Variants in AIDA observed in about 807,000 individuals in gnomAD.
The protein encoded by AIDA is axin interactor, dorsalization associated.
Under a neutral mutation model 42.7 loss-of-function variants are expected in AIDA, and 18 were observed. The ratio of observed to expected loss-of-function variants is 0.42; its 90% CI spans 0.29 to 0.63. The LOEUF is 0.63. Ranked by LOEUF, AIDA falls within the 20% of genes least tolerant of loss-of-function variation. The pLI is 0.19. For synonymous variants in AIDA, 104 were observed against 122.9 expected (o/e 0.85, Z 1.02); for missense variants, 250 against 354.1 (o/e 0.71, Z 2.36).
chr1:222,691,541 G>A (rs184739213), intron 4 of AIDA, among the ~76,000 whole-genome samples: 6 of 151,936 alleles, frequency 3.9e-5, no homozygotes, highest in Admixed American at 1.3e-4. Context: ...CTATTTAGCC[G>A]ACTAGAATCC....
At chr1:222,687,536 A>G (rs2124957060) in intron 5 of AIDA, 59 bp downstream of exon 5, 2 of 1,379,588 alleles carry the variant, frequency 1.4e-6, no homozygotes. Flanking sequence ...AAAACCCAGA[A>G]CTATCTGAAA....
chr1:222,672,315 A>G (rs1196371347), intron 8 of AIDA, among the ~76,000 whole-genome samples: 1 of 152,206 alleles, frequency 6.6e-6, no homozygotes, highest in Non-Finnish European at 1.5e-5. Flanking sequence ...TCCTAAGGCA[A>G]TGGAGTTAAA....
chr1:222,703,065 GT>G, intron 2 of AIDA, 82 bp downstream of exon 2: 2 of 1,122,456 alleles, frequency 1.8e-6, no homozygotes, highest in East Asian at 5.1e-5. Flanking sequence ...TTGTTTTGTT[GT>G]TTTTTGTTTT....
rs756473755 is a variant in AIDA, at chr1:222,693,841, G to A, written c.237C>T (p.Ser79=). ...CLELRSAALQ[S]TQSQEEFKLE... ...GTTTAAATTCTTCTTGAGACTGTGT[G>A]GACTAAATTTAAAATAAGCATATTA... Residue 79 remains serine, a splice_region_variant and synonymous_variant, in exon 4 of 10, where the codon TCC becomes TCT. Transcript: ENST00000340020. The A allele has an allele frequency of 1.9e-6, 3 of 1,606,134 alleles. No individual in the cohort carries two copies. Among genetic ancestry groups the A allele is most frequent in the African/African-American group, 2.7e-5 (2 of 74,804 alleles).
chr1:222,694,949 T>A (rs1655474012), intron 2 of AIDA, among the ~76,000 whole-genome samples: 1 of 152,132 alleles, frequency 6.6e-6, no homozygotes, highest in Admixed American at 6.6e-5. Context: ...AAGATCTGTA[T>A]TAGGAATCAA....
At chr1:222,700,963 A>AT (rs140000501) in intron 2 of AIDA, among the ~76,000 whole-genome samples, 13,356 of 68,092 alleles carry the variant, frequency 0.2, 2,077 homozygotes, top group East Asian at 0.41. Flanking sequence ...TCATTTCTTG[A>AT]TTTTTTTTGG....
intron 1 of AIDA, among the ~76,000 whole-genome samples, chr1:222,710,026 A>ACTCTTCCTCCTT (rs1655951094): frequency 6.6e-6 from 1 of 151,484 alleles, no homozygotes; most frequent in African/African-American, 2.4e-5. Flanking sequence ...ACGATCCTAG[A>ACTCTTCCTCCTT]CTCTTCCTCC....
intron 1 of AIDA, among the ~76,000 whole-genome samples, chr1:222,706,605 A>C (rs1487124685): frequency 1.3e-5 from 2 of 152,198 alleles, no homozygotes; most frequent in Non-Finnish European, 2.9e-5. Context: ...GTGGTGGCTC[A>C]TGCCTGTAAT....
chr1:222,712,184 C>G (rs748917906), intron 1 of AIDA, 24 bp downstream of exon 1: 1 of 1,580,334 alleles, frequency 6.3e-7, no homozygotes, highest in Non-Finnish European at 8.6e-7. Context: ...CCGGTCTGGC[C>G]TGCTCCCGCG....
chr1:222,704,916 T>C (rs1655800115), intron 1 of AIDA, among the ~76,000 whole-genome samples: 1 of 152,116 alleles, frequency 6.6e-6, no homozygotes. Context: ...GGAACAGGAA[T>C]ACAAAGGGTA....
intron 6 of AIDA, among the ~76,000 whole-genome samples, chr1:222,677,352 T>C (rs1367152821): frequency 2.0e-5 from 3 of 152,202 alleles, no homozygotes; most frequent in African/African-American, 7.2e-5. Context: ...TACATATTCA[T>C]AACATCTGCA....
chr1:222,704,670 T>C (rs149668361), intron 1 of AIDA, among the ~76,000 whole-genome samples: 1 of 152,182 alleles, frequency 6.6e-6, no homozygotes, highest in East Asian at 1.9e-4. Context: ...GAGTAACTGA[T>C]ACCAAGTATG....
intron 4 of AIDA, among the ~76,000 whole-genome samples, chr1:222,693,355 CAA>C (rs1287069851): frequency 6.6e-6 from 1 of 152,024 alleles, no homozygotes; most frequent in Admixed American, 6.6e-5. Flanking sequence ...TTATTTACTT[CAA>C]AAGAGTTTTA....
chr1:222,700,447 T>A (rs1412118161), intron 2 of AIDA, among the ~76,000 whole-genome samples: 1 of 152,140 alleles, frequency 6.6e-6, no homozygotes, highest in African/African-American at 2.4e-5. Flanking sequence ...TGCCTCCTGG[T>A]CCTTTTGGGG....
At chr1:222,690,959 T>C (rs1655353856) in intron 4 of AIDA, among the ~76,000 whole-genome samples, 2 of 152,294 alleles carry the variant, frequency 1.3e-5, no homozygotes, top group East Asian at 3.9e-4. Flanking sequence ...CCCTCATATA[T>C]GGATCTCAGA....
chr1:222,676,925 C>CAAA lies in AIDA; in HGVS notation c.461-710_461-708dup, dbSNP rs113969334. ...TATGAACACTGAAGCAAAAAAACCA[C>CAAA]AAAAAAAAACAAACAAAAAAAAACC... On this transcript the variant is annotated intron_variant, in intron 6 of 9. Transcript: ENST00000340020. Among the ~76,000 whole-genome samples, 17 of 131,370 alleles carry CAAA rather than the reference C, an allele frequency of 1.3e-4. No homozygotes were observed. In the South Asian group the frequency reaches 1.5e-3, roughly 11 times the overall value. 86.2% of individuals were successfully genotyped at this position (131,370 alleles called of 152,430 possible). A position where few individuals can be genotyped will look rare whatever the true frequency, so the allele number is the denominator to read the frequency against.
At chr1:222,696,044 GA>G (rs1383480014) in intron 2 of AIDA, among the ~76,000 whole-genome samples, 2 of 152,114 alleles carry the variant, frequency 1.3e-5, no homozygotes, top group Non-Finnish European at 2.9e-5. Context: ...CGATGCCGAA[GA>G]ATAAGTGACA....
intron 4 of AIDA, among the ~76,000 whole-genome samples, chr1:222,691,232 C>T (rs926329531): frequency 2.6e-5 from 4 of 151,990 alleles, no homozygotes; most frequent in Non-Finnish European, 4.4e-5. Context: ...ACAACAAAGG[C>T]TCTGAGGCAG....
At chr1:222,694,359 C>T (rs1655458513) in intron 2 of AIDA, 96 bp from the exon 3 acceptor site, 2 of 1,042,946 alleles carry the variant, frequency 1.9e-6, no homozygotes, top group Non-Finnish European at 2.9e-6. Flanking sequence ...ATCCATAATT[C>T]TCTTAAGTAA....
Sources: gnomAD v4.1 joint callset for allele counts (sites outside exome capture counted in the v4.1 genomes callset) on GRCh38, gnomAD v4.1.1 for gene constraint, MANE v1.5 for transcripts, NCBI Gene and HGNC (gene_info 2026-07-23, HGNC 2026-07-21) for gene names.